The following MTRES1 variants were observed in gnomAD, a reference collection of about 807,000 sequenced individuals.
MTRES1 encodes the protein uncharacterized protein C6orf203.
A neutral mutation model predicts 17.4 loss-of-function variants in MTRES1; 11 were observed. The ratio of observed to expected loss-of-function variants is 0.63; its 90% CI spans 0.40 to 1.05. The LOEUF is 1.05. Among genes scored for constraint, MTRES1 ranks in the 50% least tolerant of loss-of-function variants. The pLI is 0.00. For synonymous variants in MTRES1, 94 were observed against 99.6 expected, an observed-to-expected ratio of 0.94 and a Z score of 0.34; for missense variants, 268 against 276.2, an observed-to-expected ratio of 0.97 and a Z score of 0.21.
intron 1 of MTRES1, among the ~76,000 whole-genome samples, chr6:107,037,863 C>T (rs553303834): frequency 1.4e-4 from 21 of 152,066 alleles, no homozygotes; most frequent in Admixed American, 9.2e-4. Flanking sequence ...GGATTATAGG[C>T]GTATGCCACC....
chr6:107,031,339 G>A (rs2593794), intron 1 of MTRES1, among the ~76,000 whole-genome samples: 117,587 of 146,080 alleles, frequency 0.8, 48,642 homozygotes, highest in Non-Finnish European at 0.91. Flanking sequence ...CCAAGATCGC[G>A]CCACCCACTG....
At chr6:107,036,145 G>C (rs1773999930) in intron 1 of MTRES1, among the ~76,000 whole-genome samples, 1 of 152,034 alleles carries the variant, frequency 6.6e-6, no homozygotes, top group Non-Finnish European at 1.5e-5. Context: ...GGCAACACTG[G>C]GCCGTGGCTA....
rs1774411653 is a variant in MTRES1, at chr6:107,046,933, TGTGTG to T, written c.543+2602_543+2606del. On this transcript the variant is annotated intron_variant, in intron 3 of 3. Coordinates refer to ENST00000311381, the MANE Select transcript of MTRES1 (RefSeq NM_016487.5). ...GAAGCTCCAAAGGGATTCATTCTTG[TGTGTG>T]TGTGTGTGTGTGTGTGTGTGTGTGT... Among the ~76,000 whole-genome samples the T allele has an allele frequency of 7.4e-3, 1,082 of 146,856 alleles. 9 individuals carry two copies. The highest frequency in any genetic ancestry group is 0.014 in the Middle Eastern group (4 of 286).
chr6:107,039,638 G>A, intron 1 of MTRES1, 111 bp from the exon 2 acceptor site: 1 of 1,193,764 alleles, frequency 8.4e-7, no homozygotes, highest in Non-Finnish European at 1.1e-6. Flanking sequence ...CTTTTTAGGG[G>A]CGAATACGTA....
chr6:107,033,938 T>G (rs781818878), intron 1 of MTRES1, among the ~76,000 whole-genome samples: 15 of 152,194 alleles, frequency 9.9e-5, no homozygotes, highest in Non-Finnish European at 2.1e-4. Flanking sequence ...TAGCTTAATG[T>G]GTTTCCTCAA....
At chr6:107,044,388 AACTC>A in intron 3 of MTRES1, 56 bp downstream of exon 3, 1 of 1,398,330 alleles carries the variant, frequency 7.2e-7, no homozygotes, top group Non-Finnish European at 1.0e-6. Context: ...CTCTGCTAGT[AACTC>A]AATTAATGCT....
chr6:107,030,206 G>A, intron 1 of MTRES1: 1 of 717,452 alleles, frequency 1.4e-6, no homozygotes, highest in Non-Finnish European at 2.6e-6. Context: ...GGGGTTGAGG[G>A]AGCACCAGAT....
chr6:107,039,976 A>G lies in MTRES1; in HGVS notation c.216A>G (p.Leu72=), dbSNP rs782182691. ...CACTGAGACTCCCAGGGCTTTTACT[A>G]TCTCCAGAATGTATTTTTCCTTTTT... ...IFSLRLPGLL[L]SPECIFPFSV... The change falls in exon 2 of 4, where the codon CTA becomes CTG. Residue 72 remains leucine, a synonymous_variant. Coordinates refer to ENST00000311381, the MANE Select transcript of MTRES1 (RefSeq NM_016487.5). 1.1e-5 allele frequency: 18 copies of G among 1,613,756 alleles called. No individual in the cohort carries two copies. Among genetic ancestry groups the G allele is most frequent in the Non-Finnish European group, 1.4e-5 (17 of 1,179,890 alleles).
intron 1 of MTRES1, among the ~76,000 whole-genome samples, chr6:107,036,744 G>A (rs189462749): frequency 6.6e-6 from 1 of 152,010 alleles, no homozygotes; most frequent in Non-Finnish European, 1.5e-5. Flanking sequence ...TCGGGAGGCT[G>A]AGGCAGGAGA....
intron 1 of MTRES1, 110 bp from the exon 2 acceptor site, chr6:107,039,639 C>T (rs3763205): frequency 0.32 from 381,490 of 1,186,896 alleles, 63,002 homozygotes; most frequent in South Asian, 0.36. Flanking sequence ...TTTTTAGGGG[C>T]GAATACGTAT....
intron 1 of MTRES1, among the ~76,000 whole-genome samples, chr6:107,029,480 C>A (rs1232359227): frequency 1.5e-4 from 23 of 150,664 alleles, no homozygotes; most frequent in African/African-American, 5.7e-4. Context: ...AGCCACCGCG[C>A]CCGGCCTGTT....
chr6:107,029,498 T>TG (rs1773760478), intron 1 of MTRES1, among the ~76,000 whole-genome samples: 2 of 147,822 alleles, frequency 1.4e-5, no homozygotes, highest in African/African-American at 2.5e-5. Context: ...GTTTTGTTGT[T>TG]TTTTTTTTTG....
At chr6:107,037,742 A>G (rs1339553192) in intron 1 of MTRES1, among the ~76,000 whole-genome samples, 1 of 140,346 alleles carries the variant, frequency 7.1e-6, no homozygotes, top group African/African-American at 2.9e-5. Context: ...TTTTTGAGAC[A>G]GAGTCTCACT....
rs1199317574 is a variant in MTRES1 at position 107,050,820 on chromosome 6, A to G, written c.544-237A>G. On this transcript the variant is annotated intron_variant, in intron 3 of 3. Transcript: ENST00000311381. ...TCGAACTCCTGACCTCAGGTGATCC[A>G]CCGAGCTTGGCCTCCCAAAGTGCTG... Among the ~76,000 whole-genome samples, 5 of 152,114 alleles carry G rather than the reference A, an allele frequency of 3.3e-5. No individual in the cohort carries two copies. The East Asian group carries it at 7.8e-4, about 24-fold the overall frequency.
chr6:107,044,035 T>C (rs1774308039), intron 2 of MTRES1, among the ~76,000 whole-genome samples: 1 of 152,076 alleles, frequency 6.6e-6, no homozygotes, highest in Non-Finnish European at 1.5e-5. Context: ...GGCAGGAGAA[T>C]CACTTGAACC....
At chr6:107,049,024 A>G (rs1422898757) in intron 3 of MTRES1, among the ~76,000 whole-genome samples, 2 of 152,016 alleles carry the variant, frequency 1.3e-5, no homozygotes, top group Non-Finnish European at 2.9e-5. Flanking sequence ...ATTGGCCAGT[A>G]TACTGTTGTG....
intron 1 of MTRES1, chr6:107,029,941 C>T: frequency 1.6e-6 from 1 of 635,750 alleles, no homozygotes; most frequent in Non-Finnish European, 2.8e-6. Flanking sequence ...CCCTGCTCCA[C>T]TTTCTTCCCC....
rs6940473 is a variant in MTRES1, at chr6:107,033,061, G to A, written c.-13+4790G>A. On this transcript the variant is annotated intron_variant, in intron 1 of 3. Coordinates refer to ENST00000311381, the MANE Select transcript of MTRES1 (RefSeq NM_016487.5). ...AGGAACTTGGCATATGTGGGCGAAC[G>A]AGTGATTGTAGGGGTGGCTATAGTA... is the stretch of plus-strand genomic sequence containing the variant. Among the ~76,000 whole-genome samples, 431 of 152,266 alleles carry A rather than the reference G, an allele frequency of 2.8e-3. 4 individuals carry two copies. Among genetic ancestry groups the A allele is most frequent in the African/African-American group, 9.8e-3 (408 of 41,564 alleles).
At chr6:107,033,088 T>G (rs1208640731) in intron 1 of MTRES1, among the ~76,000 whole-genome samples, 1 of 152,134 alleles carries the variant, frequency 6.6e-6, no homozygotes, top group Non-Finnish European at 1.5e-5. Context: ...GCTATAGTAA[T>G]GGGCAGGATG....
Sources: allele counts gnomAD v4.1 joint callset (sites outside exome capture counted in the v4.1 genomes callset), GRCh38; gene constraint gnomAD v4.1.1; transcripts MANE v1.5; gene names NCBI Gene and HGNC (gene_info 2026-07-23, HGNC 2026-07-21).